VPS53: variants seen among roughly 807,000 people sequenced by gnomAD.
VPS53 encodes vacuolar protein sorting-associated protein 53 homolog.
VPS53 carries 70 observed loss-of-function variants against 107.0 expected under a neutral mutation model. The ratio of observed to expected loss-of-function variants is 0.65; its 90% CI spans 0.54 to 0.80. VPS53 has a LOEUF of 0.80. VPS53 is among the 30% of genes least tolerant of loss of function. The pLI is 0.00. For missense variants in VPS53, 917 were observed against 1,049.4 expected (o/e 0.87, Z 1.74); for synonymous variants, 409 against 393.3 (o/e 1.04, Z -0.47).
chr17:561,816 G>C (rs1405601989), intron 14 of VPS53, among the ~76,000 whole-genome samples: 1 of 152,122 alleles, frequency 6.6e-6, no homozygotes, highest in Non-Finnish European at 1.5e-5. Flanking sequence ...TTTTAGTAGA[G>C]ATGGGGTTTC....
chr17:662,883 A>C (rs1223749273), intron 4 of VPS53, among the ~76,000 whole-genome samples: 15 of 109,686 alleles, frequency 1.4e-4, no homozygotes, highest in Non-Finnish European at 1.8e-4. Context: ...CGAAGGAAGG[A>C]AGGAAGGAAG....
At chr17:662,834 A>AAAGAAAGGAAGGAAGGAAGGAAGGAAGG in intron 4 of VPS53, among the ~76,000 whole-genome samples, 1 of 121,166 alleles carries the variant, frequency 8.3e-6, no homozygotes, top group East Asian at 2.6e-4. Flanking sequence ...AAAGAGAAAG[A>AAAGAAAGGAAGGAAGGAAGGAAGGAAGG]AAGGAAGGAA....
Position 543,986 on chromosome 17 carries a change from AGAGGGAGGAAGG to A in VPS53, c.1867-6822_1867-6811del, listed in dbSNP as rs545493210. ...GAGTGGGAGGAAGGGAGGAACGGAG[AGAGGGAGGAAGG>A]GAGGGAGGGAGGGAGTGAGGAAGGC... On this transcript the variant is annotated intron_variant, in intron 17 of 21. Transcript: ENST00000437048. 1.4e-3 allele frequency among the ~76,000 whole-genome samples: 90 copies of A among 65,402 alleles called. 1 individual carries two copies. In the South Asian group the frequency reaches 0.074, roughly 54 times the overall value. 42.9% of individuals were successfully genotyped at this position (65,402 alleles called of 152,430 possible). A position where few individuals can be genotyped will look rare whatever the true frequency, so the allele number is the denominator to read the frequency against.
intron 4 of VPS53, among the ~76,000 whole-genome samples, chr17:670,318 A>C (rs1480779222): frequency 6.6e-6 from 1 of 152,172 alleles, no homozygotes; most frequent in Non-Finnish European, 1.5e-5. Context: ...CAAATTCTGT[A>C]AACAGGAGAT....
Position 519,747 on chromosome 17 carries a change from C to A in VPS53, c.2328+79G>T. 1 of 1,093,266 alleles carries A rather than the reference C, an allele frequency of 9.1e-7. No homozygotes were observed. Among genetic ancestry groups the A allele is most frequent in the Non-Finnish European group, 1.4e-6 (1 of 736,884 alleles). The allele number at this position is 1,093,266 out of a possible 1,614,324, so 67.7% of individuals were successfully genotyped here. A position where few individuals can be genotyped will look rare whatever the true frequency, so the allele number is the denominator to read the frequency against. ...GCATTTTGAGAAAGCCCCCCCGGAACTTATATCCCAATTCCCGGTTAAGAA... is the reference window on the plus strand; with the variant it reads ...GCATTTTGAGAAAGCCCCCCCGGAAATTATATCCCAATTCCCGGTTAAGAA... On this transcript the variant is annotated intron_variant, in intron 21 of 21. Transcript: ENST00000437048. The surrounding 1 kb of genome is among the most constrained non-coding windows in gnomAD (Gnocchi z 5.0).
intron 15 of VPS53, among the ~76,000 whole-genome samples, chr17:554,234 TGTG>T (rs57594341): frequency 0.011 from 1,687 of 152,176 alleles, 36 homozygotes; most frequent in African/African-American, 0.039. Flanking sequence ...ACAAAAGAAA[TGTG>T]GTCCCTGCCA....
At chr17:662,853 G>GA (rs1567720120) in intron 4 of VPS53, among the ~76,000 whole-genome samples, 131 of 90,216 alleles carry the variant, frequency 1.5e-3, no homozygotes, top group South Asian at 4.4e-3. Context: ...AAGGAAGGAA[G>GA]GAAGGAAGGA....
chr17:674,811 ATCTGGGTCTGTGATTAAC>A (rs1169405581), intron 4 of VPS53: 1 of 152,240 alleles, frequency 6.6e-6, no homozygotes, highest in African/African-American at 2.4e-5. Context: ...GAATGAGAAA[ATCTGGGTCTGTGATTAAC>A]TCGCTTCGTG....
intron 7 of VPS53, among the ~76,000 whole-genome samples, chr17:642,507 C>A: frequency 1.4e-5 from 2 of 147,582 alleles, no homozygotes; most frequent in African/African-American, 2.5e-5. Flanking sequence ...ACTTGGAAAG[C>A]GAGGACAACA....
At chr17:610,632 A>C (rs990615178) in intron 11 of VPS53, among the ~76,000 whole-genome samples, 23 of 152,162 alleles carry the variant, frequency 1.5e-4, no homozygotes, top group African/African-American at 4.6e-4. Context: ...AGAAGTTATA[A>C]AGCCTGGGCA....
intron 8 of VPS53, among the ~76,000 whole-genome samples, chr17:630,587 T>G (rs1304071083): frequency 6.6e-6 from 1 of 152,210 alleles, no homozygotes; most frequent in African/African-American, 2.4e-5. Context: ...TGTGAAGACA[T>G]TAAAATCAGG....
intron 7 of VPS53, among the ~76,000 whole-genome samples, chr17:636,811 T>C (rs1003774008): frequency 2.0e-4 from 30 of 152,200 alleles, no homozygotes; most frequent in Non-Finnish European, 3.8e-4. Context: ...CTGCTGGATT[T>C]GGTTTGCCAG....
intron 4 of VPS53, among the ~76,000 whole-genome samples, chr17:690,578 C>T (rs1306469496): frequency 1.3e-5 from 2 of 152,214 alleles, no homozygotes; most frequent in African/African-American, 4.8e-5. Context: ...CTGCTTACGC[C>T]GCTTAGGTTA....
chr17:633,929 T>A (rs930565945), intron 7 of VPS53, among the ~76,000 whole-genome samples: 1 of 152,198 alleles, frequency 6.6e-6, no homozygotes, highest in African/African-American at 2.4e-5. Flanking sequence ...AGGCCCCCCC[T>A]GTTCCTACCC....
rs369295675 is a variant in VPS53 at position 583,827 on chromosome 17, T to C, written c.1313+2443A>G. Among the ~76,000 whole-genome samples, 158 of 141,828 alleles carry C rather than the reference T, an allele frequency of 1.1e-3. 1 individual carries two copies. The highest frequency in any genetic ancestry group is 5.0e-3 in the Middle Eastern group (1 of 200). 93.0% of individuals were successfully genotyped at this position (141,828 alleles called of 152,430 possible). On this transcript the variant is annotated intron_variant, in intron 13 of 21. Transcript: ENST00000437048. ...TCAATGCATTCCCAGAGAACCTCCT[T>C]CAGAACCTCAATGCGTTCCCAGAGA...
chr17:664,409 G>A (rs1971594027), intron 4 of VPS53, among the ~76,000 whole-genome samples: 1 of 152,138 alleles, frequency 6.6e-6, no homozygotes, highest in African/African-American at 2.4e-5. Flanking sequence ...AGAGAGAAAA[G>A]CAAATGTGAA....
At chr17:688,526 G>C (rs1157364357) in intron 4 of VPS53, among the ~76,000 whole-genome samples, 1 of 152,214 alleles carries the variant, frequency 6.6e-6, no homozygotes, top group African/African-American at 2.4e-5. Flanking sequence ...AAGAATGGTA[G>C]TGAGGCCAAA....
intron 4 of VPS53, among the ~76,000 whole-genome samples, chr17:682,270 T>C (rs1230203647): frequency 6.6e-6 from 1 of 152,174 alleles, no homozygotes; most frequent in Non-Finnish European, 1.5e-5. Context: ...TACTATATGC[T>C]GCATGAAACC....
intron 12 of VPS53, among the ~76,000 whole-genome samples, chr17:587,091 C>A (rs1967360614): frequency 6.6e-6 from 1 of 151,964 alleles, no homozygotes. Context: ...GAGACAGAGT[C>A]TCCCTCTGTC....
Sources: gnomAD v4.1 joint callset for allele counts (sites outside exome capture counted in the v4.1 genomes callset) on GRCh38, gnomAD v4.1.1 for gene constraint, Gnocchi (gnomAD v3.1) non-coding constraint, MANE v1.5 for transcripts, NCBI Gene and HGNC (gene_info 2026-07-23, HGNC 2026-07-21) for gene names.